The following TSHZ3 variants were observed in gnomAD, a reference collection of about 807,000 sequenced individuals.
TSHZ3 encodes teashirt zinc finger homeobox 3, also known as teashirt homolog 3.
In TSHZ3, 10 loss-of-function variants were observed where a neutral mutation model predicts 64.5. That is an observed-to-expected ratio of 0.16 (90% CI 0.10 to 0.26). TSHZ3 has a LOEUF of 0.26. TSHZ3 is among the 10% of genes least tolerant of loss of function. The pLI is 1.00. For synonymous variants in TSHZ3, 608 were observed against 593.1 expected, an observed-to-expected ratio of 1.03 and a Z score of -0.36; for missense variants, 1,242 against 1,421.7, an observed-to-expected ratio of 0.87 and a Z score of 2.03.
At chr19:31,179,874 T>C (rs1443615300) in intron 5 of TSHZ3, among the ~76,000 whole-genome samples, 5 of 151,856 alleles carry the variant, frequency 3.3e-5, no homozygotes, top group African/African-American at 1.2e-4. Flanking sequence ...TGATGATGAC[T>C]ACCATTTATT....
At chr19:31,251,695 A>G (rs1485633505) in intron 1 of TSHZ3, among the ~76,000 whole-genome samples, 2 of 152,132 alleles carry the variant, frequency 1.3e-5, no homozygotes, top group Non-Finnish European at 2.9e-5. Context: ...AGACCAGTCC[A>G]TCTGGTGTTC....
chr19:31,266,823 T>C (rs1976059479), intron 1 of TSHZ3, among the ~76,000 whole-genome samples: 1 of 152,160 alleles, frequency 6.6e-6, no homozygotes, highest in Non-Finnish European at 1.5e-5. Flanking sequence ...CCTCACCATC[T>C]CAAAGCAGGG....
At chr19:31,261,396 C>T (rs539237411) in intron 1 of TSHZ3, among the ~76,000 whole-genome samples, 28 of 152,068 alleles carry the variant, frequency 1.8e-4, no homozygotes, top group South Asian at 1.2e-3. Context: ...AGGCAAAGCC[C>T]GAGGGGTGGC....
At chr19:31,332,477 G>A (rs1917124352) in intron 1 of TSHZ3, among the ~76,000 whole-genome samples, 3 of 152,094 alleles carry the variant, frequency 2.0e-5, no homozygotes, top group South Asian at 2.1e-4. Flanking sequence ...TTGGAGCCAC[G>A]ATGACCGACG....
At chr19:31,317,126 T>A (rs1916624485) in intron 1 of TSHZ3, among the ~76,000 whole-genome samples, 1 of 152,134 alleles carries the variant, frequency 6.6e-6, no homozygotes, top group Non-Finnish European at 1.5e-5. Flanking sequence ...TCTCCAGGAT[T>A]TTTTTCATCC....
chr19:31,229,865 C>T (rs963593513), intron 3 of TSHZ3, among the ~76,000 whole-genome samples: 3 of 152,054 alleles, frequency 2.0e-5, no homozygotes, highest in Non-Finnish European at 2.9e-5. Context: ...TAGTGAAACA[C>T]GATTTTTCAG....
chr19:31,251,518 T>C (rs1259562014), intron 1 of TSHZ3, among the ~76,000 whole-genome samples: 1 of 151,972 alleles, frequency 6.6e-6, no homozygotes, highest in Non-Finnish European at 1.5e-5. Flanking sequence ...TCACAGCAAA[T>C]GAAGCTGAGA....
intron 1 of TSHZ3, among the ~76,000 whole-genome samples, chr19:31,346,413 C>A (rs1917593685): frequency 6.6e-6 from 1 of 152,204 alleles, no homozygotes; most frequent in Non-Finnish European, 1.5e-5. Flanking sequence ...CCTAATTCTG[C>A]TGGATGACAC....
At chr19:31,212,835 T>C (rs929004803) in intron 4 of TSHZ3, among the ~76,000 whole-genome samples, 2 of 152,118 alleles carry the variant, frequency 1.3e-5, no homozygotes, top group African/African-American at 4.8e-5. Context: ...GTATTAACAC[T>C]TGAAAGCACC....
chr19:31,202,417 G>A (rs1025400644), intron 5 of TSHZ3, among the ~76,000 whole-genome samples: 2 of 151,906 alleles, frequency 1.3e-5, no homozygotes, highest in East Asian at 1.9e-4. Flanking sequence ...TTTTTTAAAT[G>A]TGATATTCCA....
At chr19:31,241,749 G>T (rs1024613353) in intron 3 of TSHZ3, among the ~76,000 whole-genome samples, 1 of 152,174 alleles carries the variant, frequency 6.6e-6, no homozygotes, top group African/African-American at 2.4e-5. Context: ...TTACAACCCC[G>T]GCAGGGGACT....
At chr19:31,188,931 G>T (rs548758020) in intron 5 of TSHZ3, among the ~76,000 whole-genome samples, 1 of 152,022 alleles carries the variant, frequency 6.6e-6, no homozygotes, top group South Asian at 2.1e-4. Flanking sequence ...TAGGAAGAGT[G>T]TGATAACAAA....
chr19:31,327,245 G>A (rs1223828196), intron 1 of TSHZ3, among the ~76,000 whole-genome samples: 6 of 152,212 alleles, frequency 3.9e-5, no homozygotes, highest in Admixed American at 3.3e-4. Context: ...CCTGTAGCTC[G>A]AGGTTCTAGA....
chr19:31,262,416 G>A (rs1169198546), intron 1 of TSHZ3, among the ~76,000 whole-genome samples: 1 of 152,056 alleles, frequency 6.6e-6, no homozygotes, highest in Non-Finnish European at 1.5e-5. Context: ...TTATGAATTC[G>A]AAGAGCTCCC....
In TSHZ3 at chr19:31,290,858, C is replaced by T. The variant is rs560414672; in HGVS notation, c.41-11106G>A. On this transcript the variant is annotated intron_variant, in intron 1 of 1. Coordinates refer to ENST00000240587, the MANE Select transcript of TSHZ3 (RefSeq NM_020856.4). ...GACTTCTGCAGAAGGCTGGCCATGGCGGGATGACAACCTCCCCTAGATTGA... is the reference window on the plus strand; with the variant it reads ...GACTTCTGCAGAAGGCTGGCCATGGTGGGATGACAACCTCCCCTAGATTGA... 1.6e-4 allele frequency among the ~76,000 whole-genome samples: 25 copies of T among 152,240 alleles called. No individual in the cohort carries two copies. In the South Asian group the frequency reaches 4.2e-3, roughly 25 times the overall value.
At chr19:31,262,931 C>T (rs1016943126) in intron 1 of TSHZ3, among the ~76,000 whole-genome samples, 4 of 152,178 alleles carry the variant, frequency 2.6e-5, no homozygotes, top group African/African-American at 7.2e-5. Flanking sequence ...AGTTGGGCTG[C>T]GGACATGTGG....
At chr19:31,168,811 A>G (rs1719339217) in intron 5 of TSHZ3, among the ~76,000 whole-genome samples, 1 of 152,164 alleles carries the variant, frequency 6.6e-6, no homozygotes, top group Non-Finnish European at 1.5e-5. Flanking sequence ...GCTGGTCTTG[A>G]GCCCCGTAGG....
At chr19:31,158,235 C>T (rs548894670) in intron 5 of TSHZ3, among the ~76,000 whole-genome samples, 58 of 152,202 alleles carry the variant, frequency 3.8e-4, no homozygotes, top group African/African-American at 1.3e-3. Flanking sequence ...AATGTACTAT[C>T]AATGTAAAAC....
At chr19:31,189,947 C>CA (rs1180427448) in intron 5 of TSHZ3, among the ~76,000 whole-genome samples, 1 of 152,038 alleles carries the variant, frequency 6.6e-6, no homozygotes, top group Non-Finnish European at 1.5e-5. Flanking sequence ...CATTTATCAT[C>CA]AAAAAATGAC....
Sources: allele counts gnomAD v4.1 joint callset (sites outside exome capture counted in the v4.1 genomes callset), GRCh38; gene constraint gnomAD v4.1.1; transcripts MANE v1.5; gene names NCBI Gene and HGNC (gene_info 2026-07-23, HGNC 2026-07-21).